The following FAM222B variants were observed in gnomAD, a reference collection of about 807,000 sequenced individuals.
FAM222B encodes the protein protein FAM222B.
FAM222B carries 12 observed loss-of-function variants against 38.0 expected under a neutral mutation model. The ratio of observed to expected loss-of-function variants is 0.32; its 90% confidence interval spans 0.20 to 0.51. The LOEUF is 0.51. Among genes scored for constraint, FAM222B ranks in the 20% least tolerant of loss-of-function variants. The probability of loss-of-function intolerance (pLI) is 0.97; values close to 1 mark genes in which losing one functional copy is unlikely to be tolerated. For missense variants in FAM222B, 716 were observed against 754.2 expected (o/e 0.95, Z 0.59); for synonymous variants, 329 against 317.2 (o/e 1.04, Z -0.40).
At chr17:28,823,179 G>C (rs1249884531) in intron 1 of FAM222B, among the ~76,000 whole-genome samples, 1 of 151,774 alleles carries the variant, frequency 6.6e-6, no homozygotes, top group Non-Finnish European at 1.5e-5. Context: ...CAAAAAAAAT[G>C]ATCAAATGTT....
At chr17:28,799,034 G>C (rs2037083403) in intron 1 of FAM222B, among the ~76,000 whole-genome samples, 1 of 150,918 alleles carries the variant, frequency 6.6e-6, no homozygotes, top group Non-Finnish European at 1.5e-5. Context: ...GAGTGCAGTG[G>C]CACGATCTCG....
At chr17:28,810,957 T>C (rs545587318) in intron 1 of FAM222B, among the ~76,000 whole-genome samples, 1 of 152,266 alleles carries the variant, frequency 6.6e-6, no homozygotes, top group Admixed American at 6.5e-5. Context: ...AGTGTATCAA[T>C]TCTGTCTTCA....
Position 28,760,932 on chromosome 17 carries a change from CTTTA to C in FAM222B, c.83-1060_83-1057del, listed in dbSNP as rs758833156. 7.2e-5 allele frequency among the ~76,000 whole-genome samples: 11 copies of C among 152,292 alleles called. No homozygotes were observed. In the Middle Eastern group the frequency reaches 0.01, roughly 141 times the overall value. Reference sequence around the variant, plus strand: ...TGCCCGACTGGATGAGGATCAAAGGCTTTATTTATTTGCTTGAGAAGGAAGATAA... The same window carrying C: ...TGCCCGACTGGATGAGGATCAAAGGCTTTATTTGCTTGAGAAGGAAGATAA... On this transcript the variant is annotated intron_variant, in intron 2 of 2. Coordinates refer to ENST00000581407, the MANE Select transcript of FAM222B (RefSeq NM_001077498.3).
intron 1 of FAM222B, among the ~76,000 whole-genome samples, chr17:28,836,725 C>T (rs2038857374): frequency 6.6e-6 from 1 of 152,074 alleles, no homozygotes; most frequent in Non-Finnish European, 1.5e-5. Flanking sequence ...GATAACATAA[C>T]CTATTAGGTC....
At chr17:28,795,383 G>A (rs1193362371) in intron 1 of FAM222B, among the ~76,000 whole-genome samples, 1 of 152,178 alleles carries the variant, frequency 6.6e-6, no homozygotes, top group African/African-American at 2.4e-5. Context: ...GACCTCAAGT[G>A]ATCCTCCTGC....
At chr17:28,814,178 CAAA>C (rs775435641) in intron 1 of FAM222B, among the ~76,000 whole-genome samples, 1 of 101,296 alleles carries the variant, frequency 9.9e-6, no homozygotes, top group African/African-American at 3.7e-5. Flanking sequence ...ACTCTAACTC[CAAA>C]AAAAAAAAAA....
At chr17:28,782,642 ATGCACACAAAAATTATG>A (rs1315681857) in intron 1 of FAM222B, among the ~76,000 whole-genome samples, 1 of 152,226 alleles carries the variant, frequency 6.6e-6, no homozygotes, top group Non-Finnish European at 1.5e-5. Context: ...TAAAAATTAT[ATGCACACAAAAATTATG>A]AAGTCACTTG....
intron 1 of FAM222B, among the ~76,000 whole-genome samples, chr17:28,829,406 G>A (rs1337437394): frequency 6.7e-6 from 1 of 148,878 alleles, no homozygotes; most frequent in Non-Finnish European, 1.5e-5. Context: ...CCCGACCTCA[G>A]GTGATCCGCC....
chr17:28,767,719 G>A (rs1009689892), intron 1 of FAM222B, among the ~76,000 whole-genome samples: 1 of 151,958 alleles, frequency 6.6e-6, no homozygotes, highest in Admixed American at 6.6e-5. Flanking sequence ...CAGGTGGTCC[G>A]CCCGCCTCAG....
intron 1 of FAM222B, among the ~76,000 whole-genome samples, chr17:28,837,443 AT>A (rs372999107): frequency 5.3e-5 from 8 of 151,634 alleles, no homozygotes; most frequent in Non-Finnish European, 8.8e-5. Context: ...AAAAAAAAAA[AT>A]AAATAAATAA....
At chr17:28,794,385 A>G (rs2036842966) in intron 1 of FAM222B, among the ~76,000 whole-genome samples, 2 of 151,766 alleles carry the variant, frequency 1.3e-5, no homozygotes, top group African/African-American at 4.8e-5. Context: ...ATGCCCGGCT[A>G]ATTTTTGTAT....
chr17:28,817,923 T>C (rs1235773135), intron 1 of FAM222B, among the ~76,000 whole-genome samples: 2 of 152,138 alleles, frequency 1.3e-5, no homozygotes, highest in Non-Finnish European at 2.9e-5. Flanking sequence ...ATAACAACAT[T>C]TCTGGCCTTA....
intron 1 of FAM222B, among the ~76,000 whole-genome samples, chr17:28,778,328 T>G (rs1461236681): frequency 6.6e-6 from 1 of 151,974 alleles, no homozygotes; most frequent in Non-Finnish European, 1.5e-5. Flanking sequence ...CTCCCACTTA[T>G]GAGTGAGAAC....
At chr17:28,763,448 G>GT (rs1254059433) in intron 2 of FAM222B, among the ~76,000 whole-genome samples, 11 of 152,260 alleles carry the variant, frequency 7.2e-5, no homozygotes, top group Non-Finnish European at 1.0e-4. Flanking sequence ...AGAGTTAAAT[G>GT]TAACAGAAAG....
At chr17:28,769,702 A>G (rs1368697711) in intron 1 of FAM222B, among the ~76,000 whole-genome samples, 1 of 152,152 alleles carries the variant, frequency 6.6e-6, no homozygotes, top group East Asian at 1.9e-4. Flanking sequence ...TCCATGATCT[A>G]TTACTACTGG....
intron 2 of FAM222B, among the ~76,000 whole-genome samples, chr17:28,764,708 T>G (rs1216049558): frequency 6.6e-6 from 1 of 151,468 alleles, no homozygotes; most frequent in African/African-American, 2.4e-5. Flanking sequence ...GATCACGCCA[T>G]TGCACTCCAG....
At chr17:28,835,580 T>G (rs1381650414) in intron 1 of FAM222B, among the ~76,000 whole-genome samples, 1 of 152,240 alleles carries the variant, frequency 6.6e-6, no homozygotes, top group African/African-American at 2.4e-5. Flanking sequence ...ATGTTGTTTC[T>G]AGATTTGCAT....
intron 1 of FAM222B, among the ~76,000 whole-genome samples, chr17:28,837,647 T>G (rs2038892738): frequency 7.2e-6 from 1 of 139,188 alleles, no homozygotes; most frequent in Non-Finnish European, 1.5e-5. Context: ...CTTCTTTTTG[T>G]TTTTTTTTTT....
At chr17:28,849,144 C>G (rs2039164998) in intron 1 of FAM222B, 1 of 151,874 alleles carries the variant, frequency 6.6e-6, no homozygotes, top group Admixed American at 6.6e-5. Flanking sequence ...ACCTGTAGTC[C>G]CAGCTACTGG....
Sources: gnomAD v4.1 joint callset for allele counts (sites outside exome capture counted in the v4.1 genomes callset) on GRCh38, gnomAD v4.1.1 for gene constraint, MANE v1.5 for transcripts, NCBI Gene and HGNC (gene_info 2026-07-23, HGNC 2026-07-21) for gene names.